The following SLC7A11 variants were observed in gnomAD, a reference collection of about 807,000 sequenced individuals.
SLC7A11 encodes the protein solute carrier family 7 member 11, also known as cystine/glutamate transporter.
A neutral mutation model predicts 54.5 loss-of-function variants in SLC7A11; 35 were observed. That is an observed-to-expected ratio of 0.64 (90% CI 0.49 to 0.85). The LOEUF (loss-of-function observed/expected upper bound fraction) is 0.85. Among genes scored for constraint, SLC7A11 ranks in the 40% least tolerant of loss-of-function variants. The pLI is 0.00. For synonymous variants in SLC7A11, 230 were observed against 225.2 expected (o/e 1.02, Z -0.19); for missense variants, 583 against 618.1 (o/e 0.94, Z 0.60).
chr4:138,242,262 C>T lies in SLC7A11; in HGVS notation c.-193G>A. On this transcript the variant is annotated 5_prime_UTR_variant, in exon 1 of 12. In the 5' UTR this introduces an upstream ATG that the reference lacks. Coordinates refer to ENST00000280612, the MANE Select transcript of SLC7A11 (RefSeq NM_014331.4). Reference sequence around the variant, plus strand: ...GCGATCTAATTACTACTCAGAAACACCTGTGTATGCATCGTGCTCTCAATT... The same window carrying T: ...GCGATCTAATTACTACTCAGAAACATCTGTGTATGCATCGTGCTCTCAATT... The T allele has an allele frequency of 1.6e-6, 1 of 624,036 alleles. No individual in the cohort carries two copies. Among genetic ancestry groups the T allele is most frequent in the Non-Finnish European group, 2.8e-6 (1 of 359,678 alleles). The allele number at this position is 624,036 out of a possible 1,614,324, so 38.7% of individuals were successfully genotyped here. A position where few individuals can be genotyped will look rare whatever the true frequency, so the allele number is the denominator to read the frequency against.
intron 6 of SLC7A11, among the ~76,000 whole-genome samples, chr4:138,213,925 A>T (rs1215815767): frequency 6.6e-6 from 1 of 152,154 alleles, no homozygotes; most frequent in East Asian, 1.9e-4. Context: ...TCTTTTGCCC[A>T]TGAATTATTT....
intron 1 of SLC7A11, among the ~76,000 whole-genome samples, chr4:138,237,714 TA>T (rs1560742431): frequency 7.2e-4 from 5 of 6,906 alleles, no homozygotes; most frequent in Non-Finnish European, 9.5e-4. Context: ...TATATATATA[TA>T]TATATATATA....
rs1470349677 is a variant in SLC7A11, at chr4:138,236,407, C to T, written c.322G>A (p.Gly108Arg). Residue 108 changes from glycine to arginine, a missense_variant, in exon 2 of 12, where the codon GGA becomes AGA. Transcript: ENST00000280612. ...AELGTTIKKS[G>R]GHYTYILEVF... ...TCCAAAATATATGTGTAATGACCTC[C>T]AGATTTCTTTATAGTTGTTCCCAAT... is the stretch of plus-strand genomic sequence containing the variant. The T allele has an allele frequency of 6.2e-7, 1 of 1,612,816 alleles. No individual in the cohort carries two copies. Among genetic ancestry groups the T allele is most frequent in the East Asian group, 2.2e-5 (1 of 44,762 alleles).
At position 138,200,704 on chromosome 4, in the gene SLC7A11, G is replaced by C. The variant is rs546040057; in HGVS notation, c.791+13881C>G. ...TATTTCGTTAGCTTCACAATAAAAG[G>C]GTTGTGAATTTTGATGGTTCCTCCC... On this transcript the variant is annotated intron_variant, in intron 6 of 11. Coordinates refer to ENST00000280612, the MANE Select transcript of SLC7A11 (RefSeq NM_014331.4). 1.1e-4 allele frequency among the ~76,000 whole-genome samples: 16 copies of C among 152,096 alleles called. No individual in the cohort carries two copies. The South Asian group carries it at 2.9e-3, about 28-fold the overall frequency.
chr4:138,221,469 T>A (rs1358433471), intron 4 of SLC7A11, among the ~76,000 whole-genome samples: 3 of 152,190 alleles, frequency 2.0e-5, no homozygotes, highest in Non-Finnish European at 4.4e-5. Context: ...AATCACAATT[T>A]TACAGCAATC....
At chr4:138,240,515 C>A (rs920532430) in intron 1 of SLC7A11, among the ~76,000 whole-genome samples, 1 of 144,288 alleles carries the variant, frequency 6.9e-6, no homozygotes, top group African/African-American at 2.6e-5. Flanking sequence ...TGCAGTGAGC[C>A]GAGATCACAC....
At chr4:138,199,836 C>T (rs979647153) in intron 6 of SLC7A11, among the ~76,000 whole-genome samples, 4 of 152,116 alleles carry the variant, frequency 2.6e-5, no homozygotes, top group South Asian at 2.1e-4. Flanking sequence ...CAAACAATTC[C>T]GCAGCTCAGA....
At chr4:138,206,458 T>C (rs1448051019) in intron 6 of SLC7A11, among the ~76,000 whole-genome samples, 1 of 151,088 alleles carries the variant, frequency 6.6e-6, no homozygotes. Context: ...AGATTAAAAT[T>C]AGAACTTTCA....
intron 2 of SLC7A11, 84 bp downstream of exon 2, chr4:138,236,237 CATGT>C: frequency 9.2e-7 from 1 of 1,087,358 alleles, no homozygotes; most frequent in Non-Finnish European, 1.3e-6. Flanking sequence ...ACATGACATG[CATGT>C]GTCTAACCAG....
chr4:138,165,072 T>G lies in SLC7A11; in HGVS notation c.*6884A>C, dbSNP rs1167403854. On this transcript the variant is annotated 3_prime_UTR_variant, in exon 12 of 12. Coordinates refer to ENST00000280612, the MANE Select transcript of SLC7A11 (RefSeq NM_014331.4). Reference sequence around the variant, plus strand: ...TACATTCATAGATAGTACCTAATAATATGTTAACATAAACATAACAACACA... The same window carrying G: ...TACATTCATAGATAGTACCTAATAAGATGTTAACATAAACATAACAACACA... 1 of 152,504 alleles carries G rather than the reference T, an allele frequency of 6.6e-6. No individual in the cohort carries two copies. The allele number at this position is 152,504 out of a possible 1,614,324, so 9.4% of individuals were successfully genotyped here. A position where few individuals can be genotyped will look rare whatever the true frequency, so the allele number is the denominator to read the frequency against.
At chr4:138,232,644 T>A (rs1204334889) in intron 2 of SLC7A11, among the ~76,000 whole-genome samples, 1 of 152,248 alleles carries the variant, frequency 6.6e-6, no homozygotes, top group Non-Finnish European at 1.5e-5. Context: ...CTCCCATATT[T>A]GACTTTTCCT....
At chr4:138,233,816 C>T (rs1464621922) in intron 2 of SLC7A11, among the ~76,000 whole-genome samples, 1 of 152,190 alleles carries the variant, frequency 6.6e-6, no homozygotes, top group African/African-American at 2.4e-5. Flanking sequence ...ATTCAAGGCT[C>T]CATCTGGTCT....
chr4:138,222,828 C>T (rs1009181555), intron 4 of SLC7A11, among the ~76,000 whole-genome samples: 1 of 151,430 alleles, frequency 6.6e-6, no homozygotes, highest in Non-Finnish European at 1.5e-5. Flanking sequence ...ACCTTTTTCT[C>T]TTTAATTTTT....
Position 138,236,722 on chromosome 4 carries a change from T to A in SLC7A11, c.278-271A>T, listed in dbSNP as rs909824742. ...ACAAAGATACATGTCTGCAACAATA[T>A]CATGTGTTCCAGAATTTTGAGCTGA... On this transcript the variant is annotated intron_variant, in intron 1 of 11. Coordinates refer to ENST00000280612, the MANE Select transcript of SLC7A11 (RefSeq NM_014331.4). Among the ~76,000 whole-genome samples, 5 of 152,144 alleles carry A rather than the reference T, an allele frequency of 3.3e-5. No homozygotes were observed. The East Asian group carries it at 7.7e-4, about 23-fold the overall frequency.
intron 3 of SLC7A11, among the ~76,000 whole-genome samples, chr4:138,227,634 A>G (rs1242878618): frequency 3.9e-5 from 6 of 152,176 alleles, no homozygotes; most frequent in Non-Finnish European, 8.8e-5. Context: ...AACAGTGAAG[A>G]TGGGTCTGGA....
At chr4:138,226,709 C>G (rs1737957478) in intron 3 of SLC7A11, among the ~76,000 whole-genome samples, 1 of 152,114 alleles carries the variant, frequency 6.6e-6, no homozygotes. Flanking sequence ...CAAGAGCTTT[C>G]TAAGTTTCTG....
Position 138,219,344 on chromosome 4 carries a change from T to C in SLC7A11, c.668A>G (p.Asp223Gly). 6.2e-7 allele frequency: 1 copy of C among 1,603,346 alleles called. No individual in the cohort carries two copies. ...LIKGQTQNFK[D>G]AFSGRDSSIT... ...ACTTGAATCTCTTCCTGAAAAGGCG[T>C]CTTTAAAGTTCTGCGTTTGACCTGT... Residue 223 changes from aspartate to glycine, a missense_variant, in exon 5 of 12, where the codon GAC becomes GGC. Transcript: ENST00000280612.
intron 3 of SLC7A11, among the ~76,000 whole-genome samples, chr4:138,223,732 T>G (rs1737874283): frequency 6.6e-6 from 1 of 152,196 alleles, no homozygotes; most frequent in Non-Finnish European, 1.5e-5. Context: ...TATGATGGTA[T>G]GCCTGCCAAT....
At chr4:138,210,861 G>T (rs769633793) in intron 6 of SLC7A11, among the ~76,000 whole-genome samples, 3 of 152,052 alleles carry the variant, frequency 2.0e-5, no homozygotes, top group Non-Finnish European at 2.9e-5. Flanking sequence ...ACTTATAGCA[G>T]AACTACTATT....
Sources: gnomAD v4.1 joint callset for allele counts (sites outside exome capture counted in the v4.1 genomes callset) on GRCh38, gnomAD v4.1.1 for gene constraint, MANE v1.5 for transcripts, NCBI Gene and HGNC (gene_info 2026-07-23, HGNC 2026-07-21) for gene names.